PAK5: variants seen among roughly 807,000 people sequenced by gnomAD.
PAK5 encodes p21 (RAC1) activated kinase 5, also known as serine/threonine-protein kinase PAK 5.
PAK5 carries 16 observed loss-of-function variants against 65.9 expected under a neutral mutation model. The observed-to-expected ratio is 0.24, with a 90% CI of 0.16 to 0.37. The LOEUF is 0.37. Ranked by LOEUF, PAK5 falls within the 10% of genes least tolerant of loss-of-function variation. The pLI, the probability that PAK5 is intolerant of heterozygous loss-of-function variation, is 1.00. For missense variants in PAK5, 785 were observed against 903.9 expected (o/e 0.87, Z 1.69); for synonymous variants, 371 against 354.9 (o/e 1.05, Z -0.51).
At chr20:9,579,542 A>G in intron 4 of PAK5, among the ~76,000 whole-genome samples, 1 of 152,236 alleles carries the variant, frequency 6.6e-6, no homozygotes, top group East Asian at 1.9e-4. Context: ...CAAAGTGAAA[A>G]GGGGACAAAA....
intron 9 of PAK5, among the ~76,000 whole-genome samples, chr20:9,540,790 G>A (rs2045249354): frequency 6.6e-6 from 1 of 150,532 alleles, no homozygotes; most frequent in African/African-American, 2.4e-5. Context: ...AGGCTGGAGT[G>A]CAGTGGTGCG....
At chr20:9,618,853 TAAGAGG>T (rs1303226130) in intron 3 of PAK5, among the ~76,000 whole-genome samples, 1 of 150,186 alleles carries the variant, frequency 6.7e-6, no homozygotes, top group Non-Finnish European at 1.5e-5. Context: ...CTGGAGGTTT[TAAGAGG>T]AAGAAAGGAA....
At chr20:9,544,269 G>T in intron 8 of PAK5, 100 bp downstream of exon 8, 1 of 1,286,598 alleles carries the variant, frequency 7.8e-7, no homozygotes, top group Non-Finnish European at 1.1e-6. Flanking sequence ...GGAGCTAAAA[G>T]TCATTGCCCC....
chr20:9,662,830 C>T (rs2047365039), intron 2 of PAK5, among the ~76,000 whole-genome samples: 1 of 151,952 alleles, frequency 6.6e-6, no homozygotes, highest in Admixed American at 6.6e-5. Context: ...AGCCTCACAT[C>T]AAAGAGAAAA....
intron 1 of PAK5, among the ~76,000 whole-genome samples, chr20:9,732,724 A>T (rs1014532043): frequency 6.6e-6 from 1 of 152,154 alleles, no homozygotes; most frequent in African/African-American, 2.4e-5. Context: ...TGGTCTGTCA[A>T]TATCTGTCTC....
intron 4 of PAK5, among the ~76,000 whole-genome samples, chr20:9,572,435 A>G (rs1278362372): frequency 1.1e-4 from 17 of 152,228 alleles, no homozygotes; most frequent in Admixed American, 1.1e-3. Context: ...ACACATGTTC[A>G]TGCATGTGAG....
At chr20:9,767,759 G>T (rs1474478592) in intron 1 of PAK5, among the ~76,000 whole-genome samples, 2 of 152,128 alleles carry the variant, frequency 1.3e-5, no homozygotes, top group African/African-American at 2.4e-5. Flanking sequence ...TTGGGGGTTT[G>T]TCCCCTTCTC....
At chr20:9,622,401 G>C (rs1239343106) in intron 3 of PAK5, among the ~76,000 whole-genome samples, 1 of 152,108 alleles carries the variant, frequency 6.6e-6, no homozygotes, top group African/African-American at 2.4e-5. Flanking sequence ...TATCTGGTAG[G>C]TACCCTAGTG....
chr20:9,735,212 C>T (rs557479921), intron 1 of PAK5, among the ~76,000 whole-genome samples: 4 of 151,846 alleles, frequency 2.6e-5, no homozygotes, highest in Non-Finnish European at 5.9e-5. Context: ...AGCTAAGAGA[C>T]CAAAGAGACA....
intron 1 of PAK5, among the ~76,000 whole-genome samples, chr20:9,822,087 G>A (rs2049428266): frequency 6.6e-6 from 1 of 152,026 alleles, no homozygotes; most frequent in Non-Finnish European, 1.5e-5. Flanking sequence ...TCAGGAGTTC[G>A]AGACCAGCTT....
At chr20:9,612,899 C>T (rs893572472) in intron 3 of PAK5, among the ~76,000 whole-genome samples, 1 of 152,026 alleles carries the variant, frequency 6.6e-6, no homozygotes, top group Admixed American at 6.5e-5. Flanking sequence ...CTGTATCTCC[C>T]CCCCCATTAG....
At chr20:9,608,863 C>T (rs1268080730) in intron 3 of PAK5, among the ~76,000 whole-genome samples, 1 of 152,222 alleles carries the variant, frequency 6.6e-6, no homozygotes, top group Non-Finnish European at 1.5e-5. Flanking sequence ...TGTCCAGCTG[C>T]TGCTCCTTCA....
chr20:9,572,123 A>G (rs1481895508), intron 4 of PAK5, among the ~76,000 whole-genome samples: 8 of 148,274 alleles, frequency 5.4e-5, no homozygotes, highest in South Asian at 2.2e-4. Flanking sequence ...GAAATGAGCT[A>G]AAAAAAAGAG....
At chr20:9,619,104 G>A (rs1451029399) in intron 3 of PAK5, among the ~76,000 whole-genome samples, 1 of 151,082 alleles carries the variant, frequency 6.6e-6, no homozygotes, top group East Asian at 2.0e-4. Context: ...TGTATTTTTA[G>A]TAGAAACAGG....
intron 2 of PAK5, among the ~76,000 whole-genome samples, chr20:9,664,759 C>T (rs2423394): frequency 0.048 from 7,340 of 152,174 alleles, 212 homozygotes; most frequent in South Asian, 0.083. Flanking sequence ...CCTTCAGCTT[C>T]ATGTTACATA....
rs145607441 is a variant in PAK5 at position 9,692,166 on chromosome 20, T to C, written c.-12+19120A>G. Among the ~76,000 whole-genome samples the C allele has an allele frequency of 6.2e-3, 939 of 152,064 alleles. 12 individuals are homozygous for C. Among genetic ancestry groups the C allele is most frequent in the African/African-American group, 0.022 (906 of 41,554 alleles). On this transcript the variant is annotated intron_variant, in intron 2 of 9. Coordinates refer to ENST00000353224, the MANE Select transcript of PAK5 (RefSeq NM_177990.4). ...GAGTACTTGAGCATAGTCAGAATTT[T>C]TCATGTAAAAGAAAACAGCCAGATA... is the stretch of plus-strand genomic sequence containing the variant.
At chr20:9,618,062 T>TC (rs2046693436) in intron 3 of PAK5, among the ~76,000 whole-genome samples, 1 of 152,044 alleles carries the variant, frequency 6.6e-6, no homozygotes, top group Non-Finnish European at 1.5e-5. Flanking sequence ...GAGGTAATAT[T>TC]AGTATAAGGA....
intron 7 of PAK5, among the ~76,000 whole-genome samples, chr20:9,554,634 A>G (rs1178856381): frequency 6.6e-6 from 1 of 152,226 alleles, no homozygotes; most frequent in East Asian, 1.9e-4. Context: ...CTTCTCCACT[A>G]TATAATGTTG....
intron 1 of PAK5, among the ~76,000 whole-genome samples, chr20:9,715,360 C>G (rs1372028681): frequency 6.6e-6 from 1 of 152,092 alleles, no homozygotes; most frequent in Non-Finnish European, 1.5e-5. Context: ...CTTCTCACAC[C>G]AGTTAGAATG....
Sources: allele counts gnomAD v4.1 joint callset (sites outside exome capture counted in the v4.1 genomes callset), GRCh38; gene constraint gnomAD v4.1.1; transcripts MANE v1.5; gene names NCBI Gene and HGNC (gene_info 2026-07-23, HGNC 2026-07-21).